ATL2: variants seen among roughly 807,000 people sequenced by gnomAD.
ATL2 encodes atlastin GTPase 2, also known as atlastin-2.
Under a neutral mutation model 73.9 loss-of-function variants are expected in ATL2, and 31 were observed. The observed-to-expected ratio is 0.42, with a 90% CI of 0.32 to 0.57. ATL2 has a LOEUF of 0.57. Among genes scored for constraint, ATL2 ranks in the 20% least tolerant of loss-of-function variants. The pLI, the probability that ATL2 is intolerant of heterozygous loss-of-function variation, is 0.14. For missense variants in ATL2, 738 were observed against 702.6 expected, an observed-to-expected ratio of 1.05 and a Z score of -0.57; for synonymous variants, 291 against 237.5, an observed-to-expected ratio of 1.23 and a Z score of -2.07.
At chr2:38,303,017 C>T (rs530115354) in intron 9 of ATL2, among the ~76,000 whole-genome samples, 2 of 152,262 alleles carry the variant, frequency 1.3e-5, no homozygotes, top group South Asian at 2.1e-4. Flanking sequence ...ACAGAGATAA[C>T]TGACCTTTCA....
chr2:38,296,209 T>C (rs1666885432), intron 12 of ATL2, 96 bp from the exon 13 acceptor site: 1 of 1,432,688 alleles, frequency 7.0e-7, no homozygotes, highest in Admixed American at 2.8e-5. Context: ...AAAGCAATGA[T>C]GAAAATAACC....
chr2:38,365,774 G>A (rs1390081308), intron 1 of ATL2, among the ~76,000 whole-genome samples: 1 of 151,896 alleles, frequency 6.6e-6, no homozygotes, highest in Non-Finnish European at 1.5e-5. Flanking sequence ...GACAGAATGA[G>A]ACTCCATCTC....
chr2:38,363,618 A>G (rs934663198), intron 1 of ATL2, among the ~76,000 whole-genome samples: 5 of 152,220 alleles, frequency 3.3e-5, no homozygotes, highest in African/African-American at 9.6e-5. Context: ...ATATTTAAAT[A>G]TAAGTAAATG....
intron 5 of ATL2, 84 bp from the exon 6 acceptor site, chr2:38,314,748 G>A: frequency 2.4e-6 from 2 of 825,812 alleles, no homozygotes; most frequent in Admixed American, 2.6e-5. Flanking sequence ...CAAAGCTCCA[G>A]GTACCAGAAC....
intron 1 of ATL2, among the ~76,000 whole-genome samples, chr2:38,346,076 G>A (rs576693021): frequency 6.6e-6 from 1 of 152,290 alleles, no homozygotes; most frequent in Non-Finnish European, 1.5e-5. Flanking sequence ...TACTGACACT[G>A]CCATCCACCC....
Position 38,343,450 on chromosome 2 carries a change from C to G in ATL2, c.181G>C (p.Val61Leu), listed in dbSNP as rs1238722654. 4 of 1,612,268 alleles carry G rather than the reference C, an allele frequency of 2.5e-6. No individual in the cohort carries two copies. Among genetic ancestry groups the G allele is most frequent in the African/African-American group, 1.3e-5 (1 of 74,682 alleles). ...SDEVMKKPCPVQIVLAHEDDH... is the reference protein window; with the variant it reads ...SDEVMKKPCPLQIVLAHEDDH... ...TCTTCATGAGCAAGAACAATCTGTACTGGACATGGTTTCTTCATAACCTCA... is the reference window on the plus strand; with the variant it reads ...TCTTCATGAGCAAGAACAATCTGTAGTGGACATGGTTTCTTCATAACCTCA... The change falls in exon 2 of 13, where the codon GTA (valine) becomes CTA (leucine). Residue 61 changes from valine to leucine, a missense_variant. By Grantham distance (32) the Val-to-Leu change is conservative. Transcript: ENST00000378954.
At position 38,295,252 on chromosome 2, in the gene ATL2, TACAG is replaced by T. The variant is rs1361373153; in HGVS notation, c.*738_*741del. 11 of 152,222 alleles carry T rather than the reference TACAG, an allele frequency of 7.2e-5. No individual in the cohort carries two copies. Among genetic ancestry groups the T allele is most frequent in the South Asian group, 2.1e-4 (1 of 4,832 alleles). The allele number at this position is 152,222 out of a possible 1,614,324, so 9.4% of individuals were successfully genotyped here. A position where few individuals can be genotyped will look rare whatever the true frequency, so the allele number is the denominator to read the frequency against. ...TTTAGAAAATAAAAGCTACACACTG[TACAG>T]ACACTCTTAACTCATAGCTGTAGGC... On this transcript the variant is annotated 3_prime_UTR_variant, in exon 13 of 13. Transcript: ENST00000378954.
intron 10 of ATL2, 93 bp downstream of exon 10, chr2:38,300,179 C>A (rs1471503880): frequency 9.0e-7 from 1 of 1,117,148 alleles, no homozygotes; most frequent in Non-Finnish European, 1.3e-6. Flanking sequence ...AAAAAGCACC[C>A]CCCATTTTCA....
In ATL2 at chr2:38,294,094, T is replaced by C. The variant is rs1666752814; in HGVS notation, c.*1900A>G. ...AATAAAAAGACACTTTTCAGGTGGA[T>C]TCTTTAAGAACAGATAAGTTAGCAA... On this transcript the variant is annotated 3_prime_UTR_variant, in exon 13 of 13. Transcript: ENST00000378954. 6.6e-6 allele frequency among the ~76,000 whole-genome samples: 1 copy of C among 152,228 alleles called. No homozygotes were observed. Among genetic ancestry groups the C allele is most frequent in the Non-Finnish European group, 1.5e-5 (1 of 68,034 alleles).
chr2:38,341,287 T>C (rs1467158092), intron 2 of ATL2, among the ~76,000 whole-genome samples: 1 of 152,166 alleles, frequency 6.6e-6, no homozygotes, highest in Non-Finnish European at 1.5e-5. Context: ...TTAAAAAATA[T>C]GCCACTACTT....
chr2:38,315,296 A>G lies in ATL2; in HGVS notation c.642T>C (p.Leu214=). The G allele has an allele frequency of 6.7e-7, 1 of 1,491,496 alleles. No homozygotes were observed. The highest frequency in any genetic ancestry group is 8.8e-7 in the Non-Finnish European group (1 of 1,130,326). The allele number at this position is 1,491,496 out of a possible 1,614,324, so 92.4% of individuals were successfully genotyped here. A position where few individuals can be genotyped will look rare whatever the true frequency, so the allele number is the denominator to read the frequency against. The change falls in exon 5 of 13, where the codon CTT becomes CTC. Residue 214 remains leucine (L), a synonymous_variant. Transcript: ENST00000378954. ...AAGAAATACGTACTTGCAAATGTTG[A>G]AGATCATCTTCTTGAATATTCTGAG... ...NLSQNIQEDD[L]QHLQLFTEYG...
chr2:38,338,449 T>TA (rs1321917139), intron 2 of ATL2, among the ~76,000 whole-genome samples: 2 of 152,178 alleles, frequency 1.3e-5, no homozygotes, highest in African/African-American at 4.8e-5. Context: ...CCCCTGATTC[T>TA]AAAATAAAAG....
At chr2:38,364,263 A>AAAAAT (rs371153008) in intron 1 of ATL2, among the ~76,000 whole-genome samples, 8,422 of 151,742 alleles carry the variant, frequency 0.056, 780 homozygotes, top group African/African-American at 0.19. Context: ...CTCCATCTCA[A>AAAAAT]AAAATAAAAT....
Position 38,296,071 on chromosome 2 carries a change from TTA to T in ATL2, c.1673_1674del (p.Ile558LysfsTer14). On this transcript the variant is annotated frameshift_variant, in exon 13 of 13. Transcript: ENST00000378954. LOFTEE classifies it high-confidence loss of function. ...PLGDNLMEEN[I>X]RQSVTNSIKA... ...TTGATAGAGTTTGTTACAGACTGCC[TTA>T]TGTTTTCCTCCATCAAATTATCACC... 6.4e-7 allele frequency: 1 copy of T among 1,551,580 alleles called. No individual in the cohort carries two copies. Among genetic ancestry groups the T allele is most frequent in the Non-Finnish European group, 8.7e-7 (1 of 1,146,834 alleles).
In ATL2 at chr2:38,318,648, T is replaced by G. The variant is rs1186756859; in HGVS notation, c.499-9A>C. 9 of 1,571,422 alleles carry G rather than the reference T, an allele frequency of 5.7e-6. No homozygotes were observed. The Admixed American group carries it at 1.9e-4, about 33-fold the overall frequency. ...ATAAGCAGCACAGCAACCTAGGAAT[T>G]TGAGAGTTTAAAATATTTAGTAAAA... On this transcript the variant is annotated splice_polypyrimidine_tract_variant and intron_variant, in intron 3 of 12. Transcript: ENST00000378954.
At chr2:38,362,142 A>C (rs888078432) in intron 1 of ATL2, among the ~76,000 whole-genome samples, 3 of 152,208 alleles carry the variant, frequency 2.0e-5, no homozygotes, top group Non-Finnish European at 4.4e-5. Flanking sequence ...GCGCAGAATA[A>C]GAATAGGTTT....
chr2:38,298,377 T>C lies in ATL2; in HGVS notation c.1399A>G (p.Asn467Asp). 6.2e-7 allele frequency: 1 copy of C among 1,614,188 alleles called. No homozygotes were observed. Among genetic ancestry groups the C allele is most frequent in the South Asian group, 1.1e-5 (1 of 91,080 alleles). The change falls in exon 12 of 13, where the codon AAT (asparagine) becomes GAT (aspartate). Residue 467 changes from asparagine (N) to aspartate (D), a missense_variant. Asn to Asp is a conservative substitution (Grantham distance 23, BLOSUM62 1). Transcript: ENST00000378954. ...GGGGTACGAGCAGCATAGAAGATAT[T>C]TTTGCCATCATTGTGCTTTATAAAA... is the stretch of plus-strand genomic sequence containing the variant. The part of the protein sequence containing the change: ...ANFIKHNDGK[N>D]IFYAARTPAT...
chr2:38,354,956 C>T (rs913397904), intron 1 of ATL2, among the ~76,000 whole-genome samples: 4 of 151,676 alleles, frequency 2.6e-5, no homozygotes, highest in Non-Finnish European at 5.9e-5. Flanking sequence ...TTCAATGAAC[C>T]CAAAGTAAAA....
rs1666752915 is a variant in ATL2 at position 38,294,093 on chromosome 2, ATTCT to A, written c.*1897_*1900del. ...AAATAAAAAGACACTTTTCAGGTGG[ATTCT>A]TTAAGAACAGATAAGTTAGCAATTT... On this transcript the variant is annotated 3_prime_UTR_variant, in exon 13 of 13. Transcript: ENST00000378954. Among the ~76,000 whole-genome samples, 1 of 152,252 alleles carries A rather than the reference ATTCT, an allele frequency of 6.6e-6. No individual in the cohort carries two copies. The highest frequency in any genetic ancestry group is 1.5e-5 in the Non-Finnish European group (1 of 68,044).
Sources: gnomAD v4.1 joint callset for allele counts (sites outside exome capture counted in the v4.1 genomes callset) on GRCh38, gnomAD v4.1.1 for gene constraint, MANE v1.5 for transcripts, NCBI Gene and HGNC (gene_info 2026-07-23, HGNC 2026-07-21) for gene names.